NOL10: variants seen among roughly 807,000 people sequenced by gnomAD.
The protein encoded by NOL10 is nucleolar protein 10.
In NOL10, 58 loss-of-function variants were observed where a neutral mutation model predicts 103.5. The observed-to-expected ratio is 0.56, with a 90% CI of 0.45 to 0.70. NOL10 has a LOEUF of 0.70. Among genes scored for constraint, NOL10 ranks in the 30% least tolerant of loss-of-function variants. The probability of loss-of-function intolerance (pLI) is 0.00; values close to 1 mark genes in which losing one functional copy is unlikely to be tolerated. For synonymous variants in NOL10, 287 were observed against 282.5 expected, an observed-to-expected ratio of 1.02 and a Z score of -0.16; for missense variants, 763 against 807.3, an observed-to-expected ratio of 0.95 and a Z score of 0.67.
At chr2:10,636,806 AAC>A (rs1678262994) in intron 13 of NOL10, among the ~76,000 whole-genome samples, 2 of 152,192 alleles carry the variant, frequency 1.3e-5, no homozygotes, top group South Asian at 4.1e-4. Context: ...TCTAACAGAC[AAC>A]AGTCATTGAC....
intron 6 of NOL10, among the ~76,000 whole-genome samples, chr2:10,669,903 T>C (rs1680817862): frequency 1.3e-5 from 2 of 150,378 alleles, no homozygotes; most frequent in South Asian, 4.2e-4. Context: ...ATAATAATAA[T>C]AATAATAATG....
At chr2:10,602,750 A>G (rs769420444) in intron 16 of NOL10, 26 bp downstream of exon 16, 1 of 1,355,794 alleles carries the variant, frequency 7.4e-7, no homozygotes, top group Non-Finnish European at 1.0e-6. Flanking sequence ...TTCTCTGATA[A>G]ATTCAATGGT....
intron 13 of NOL10, among the ~76,000 whole-genome samples, chr2:10,623,992 G>A (rs982337015): frequency 1.3e-5 from 2 of 152,066 alleles, no homozygotes; most frequent in East Asian, 1.9e-4. Context: ...TGTTGTTTGG[G>A]GACTTCCCTT....
At chr2:10,604,322 T>C (rs944843819) in intron 14 of NOL10, among the ~76,000 whole-genome samples, 2 of 152,220 alleles carry the variant, frequency 1.3e-5, no homozygotes, top group Admixed American at 6.5e-5. Context: ...TTTAGAAATA[T>C]ACATCCATCT....
intron 9 of NOL10, among the ~76,000 whole-genome samples, chr2:10,661,563 G>A (rs1007457614): frequency 6.6e-6 from 1 of 152,030 alleles, no homozygotes; most frequent in Non-Finnish European, 1.5e-5. Flanking sequence ...TAGAGACAGG[G>A]TTTCACCATG....
At chr2:10,668,471 AT>A (rs1485385471) in intron 7 of NOL10, among the ~76,000 whole-genome samples, 186 bp downstream of exon 7, 1 of 152,202 alleles carries the variant, frequency 6.6e-6, no homozygotes, top group African/African-American at 2.4e-5. Flanking sequence ...CTTTCATTTA[AT>A]TTTTAAAGTA....
chr2:10,673,997 A>G (rs946474556), intron 4 of NOL10, among the ~76,000 whole-genome samples: 14 of 152,000 alleles, frequency 9.2e-5, no homozygotes, highest in Admixed American at 7.2e-4. Context: ...CAGAGTTTCT[A>G]TTGTTTTCAA....
At chr2:10,648,023 G>A (rs116727934) in intron 12 of NOL10, among the ~76,000 whole-genome samples, 5,199 of 152,166 alleles carry the variant, frequency 0.034, 172 homozygotes, top group African/African-American at 0.083. Flanking sequence ...CAAGCTCCCC[G>A]TGTCATGAAT....
At chr2:10,584,688 T>TA (rs1674931653) in intron 19 of NOL10, among the ~76,000 whole-genome samples, 1 of 152,214 alleles carries the variant, frequency 6.6e-6, no homozygotes, top group African/African-American at 2.4e-5. Flanking sequence ...TTATCACTTA[T>TA]ATAGTTCTCA....
intron 13 of NOL10, among the ~76,000 whole-genome samples, chr2:10,633,291 T>C (rs1270182018): frequency 3.3e-5 from 5 of 152,112 alleles, no homozygotes; most frequent in African/African-American, 1.2e-4. Context: ...GGATTTGAAC[T>C]GGGCTCAAGT....
At chr2:10,664,752 T>A (rs1463665868) in intron 8 of NOL10, among the ~76,000 whole-genome samples, 3 of 152,266 alleles carry the variant, frequency 2.0e-5, no homozygotes, top group Admixed American at 6.5e-5. Context: ...CCCAGGCTGG[T>A]CTCGAACTCC....
intron 19 of NOL10, among the ~76,000 whole-genome samples, chr2:10,588,593 C>T (rs1167215887): frequency 2.6e-5 from 4 of 152,148 alleles, no homozygotes; most frequent in Admixed American, 2.6e-4. Flanking sequence ...GAAAAGTTGT[C>T]ATCTCCTAGC....
intron 13 of NOL10, among the ~76,000 whole-genome samples, chr2:10,622,460 AAT>A (rs1491261777): frequency 1.4e-5 from 2 of 145,170 alleles, no homozygotes; most frequent in Admixed American, 6.9e-5. Flanking sequence ...TACAAGGTTA[AAT>A]TTTTTTTTTT....
At chr2:10,587,813 C>T (rs1410537302) in intron 19 of NOL10, among the ~76,000 whole-genome samples, 1 of 152,168 alleles carries the variant, frequency 6.6e-6, no homozygotes, top group Non-Finnish European at 1.5e-5. Context: ...ACAATTCCAC[C>T]TGTTCACTGA....
chr2:10,601,599 C>T (rs1180174591), intron 16 of NOL10, among the ~76,000 whole-genome samples: 3 of 152,100 alleles, frequency 2.0e-5, no homozygotes, highest in African/African-American at 7.2e-5. Flanking sequence ...CTCACTTTAG[C>T]CCTGAAGTTA....
intron 3 of NOL10, among the ~76,000 whole-genome samples, chr2:10,676,690 T>C (rs1681331702): frequency 6.7e-6 from 1 of 149,110 alleles, no homozygotes; most frequent in South Asian, 2.1e-4. Context: ...TAGACTGGGG[T>C]GCAATGGCGT....
intron 19 of NOL10, among the ~76,000 whole-genome samples, chr2:10,587,371 A>G (rs865808121): frequency 6.8e-6 from 1 of 146,940 alleles, no homozygotes; most frequent in African/African-American, 2.6e-5. Flanking sequence ...CCCGGGTCCA[A>G]GCAATTCTCC....
chr2:10,634,788 G>C (rs547156453), intron 13 of NOL10, among the ~76,000 whole-genome samples: 1 of 152,214 alleles, frequency 6.6e-6, no homozygotes, highest in South Asian at 2.1e-4. Context: ...GAGATAACTA[G>C]ATGAAAGAAG....
chr2:10,593,584 G>A (rs1211205452), intron 17 of NOL10, among the ~76,000 whole-genome samples: 1 of 152,116 alleles, frequency 6.6e-6, no homozygotes, highest in Non-Finnish European at 1.5e-5. Context: ...TATAAAAAGG[G>A]CATAAACCCT....
Sources: gnomAD v4.1 joint callset for allele counts (sites outside exome capture counted in the v4.1 genomes callset) on GRCh38, gnomAD v4.1.1 for gene constraint, MANE v1.5 for transcripts, NCBI Gene and HGNC (gene_info 2026-07-23, HGNC 2026-07-21) for gene names.